GPR132: variants seen among roughly 807,000 people sequenced by gnomAD.
The protein encoded by GPR132 is probable G protein-coupled receptor 132.
In GPR132, 4 loss-of-function variants were observed where a neutral mutation model predicts 1.9. That is an observed-to-expected ratio of 2.13 (90% confidence interval 1.05 to 4.87). The LOEUF is 4.87. Ranked by LOEUF, GPR132 falls within the 30% of genes most tolerant of loss-of-function variation. The pLI is 0.01. For missense variants in GPR132, 404 were observed against 512.5 expected (o/e 0.79, Z 2.04); for synonymous variants, 233 against 234.2 (o/e 0.99, Z 0.05).
chr14:105,053,037 A>G (rs910547288), intron 3 of GPR132, among the ~76,000 whole-genome samples: 6 of 151,620 alleles, frequency 4.0e-5, no homozygotes, highest in Non-Finnish European at 8.8e-5. Context: ...TTTTCTAAGC[A>G]GTCTGTTAGG....
chr14:105,053,341 G>A (rs1487711273), intron 3 of GPR132, among the ~76,000 whole-genome samples: 1 of 151,836 alleles, frequency 6.6e-6, no homozygotes, highest in African/African-American at 2.4e-5. Context: ...TGTATTTTTA[G>A]TAGAGATGGG....
intron 3 of GPR132, among the ~76,000 whole-genome samples, chr14:105,053,147 C>A (rs182368534): frequency 0.013 from 1,311 of 99,016 alleles, 9 homozygotes; most frequent in Non-Finnish European, 0.02. Context: ...AACCTGTAGT[C>A]TTTTTTTTTT....
Position 105,050,647 on chromosome 14 carries a change from A to C in GPR132, c.*347T>G, listed in dbSNP as rs1004872979. The C allele has an allele frequency of 1.1e-5, 4 of 353,442 alleles. No individual in the cohort carries two copies. Among genetic ancestry groups the C allele is most frequent in the African/African-American group, 8.2e-5 (4 of 48,614 alleles). The allele number at this position is 353,442 out of a possible 1,614,324, so 21.9% of individuals were successfully genotyped here. A position where few individuals can be genotyped will look rare whatever the true frequency, so the allele number is the denominator to read the frequency against. On this transcript the variant is annotated 3_prime_UTR_variant, in exon 4 of 4. Coordinates refer to ENST00000329797, the MANE Select transcript of GPR132 (RefSeq NM_013345.4). The surrounding 1 kb of genome is among the most constrained non-coding windows in gnomAD (Gnocchi z 4.0). ...TCCGCAAATAAAGTCATCGCCACTG[A>C]TGCGAACAGGGCAGCCACCAGGTAC...
rs1886651914 is a variant in GPR132 at position 105,051,758 on chromosome 14, A to G, written c.379T>C (p.Tyr127His). The G allele has an allele frequency of 6.2e-7, 1 of 1,614,044 alleles. No individual in the cohort carries two copies. Among genetic ancestry groups the G allele is most frequent in the Admixed American group, 1.7e-5 (1 of 60,002 alleles). ...CAGCACAGGAAGAGGATGCTGACGT[A>G]GATGTTGCAGAAGAAGATGTAGGCG... ...VTAYIFFCNI[Y>H]VSILFLCCIS... is the part of the protein sequence containing the mutation. Residue 127 changes from tyrosine (Y) to histidine (H), a missense_variant, in exon 4 of 4, where the codon TAC (tyrosine) becomes CAC (histidine). Transcript: ENST00000329797. This position sits in a 1 kb window ranked among gnomAD's most constrained non-coding sequence, Gnocchi z 8.0.
rs760479605 is a variant in GPR132, at chr14:105,057,149, C to A, written c.-747+18G>T. On this transcript the variant is annotated intron_variant, in intron 2 of 3. Coordinates refer to ENST00000329797, the MANE Select transcript of GPR132 (RefSeq NM_013345.4). ...GGGCTTCCTCTTACATGTTCAAAGT[C>A]GGAGAAGGCTCTCTCACCTGGCATA... 1.3e-6 allele frequency: 2 copies of A among 1,529,490 alleles called. No individual in the cohort carries two copies. The highest frequency in any genetic ancestry group is 2.7e-5 in the African/African-American group (2 of 72,882). 94.7% of individuals were successfully genotyped at this position (1,529,490 alleles called of 1,614,324 possible).
At chr14:105,063,599 A>G (rs942991680) in intron 1 of GPR132, among the ~76,000 whole-genome samples, 3 of 146,374 alleles carry the variant, frequency 2.0e-5, no homozygotes, top group African/African-American at 5.0e-5. Flanking sequence ...CTGGTCTTGA[A>G]CTCCTGACCT....
Position 105,055,767 on chromosome 14 carries a change from A to G in GPR132, c.-347T>C, listed in dbSNP as rs1343898931. The G allele has an allele frequency of 3.3e-6, 1 of 298,788 alleles. No homozygotes were observed. Among genetic ancestry groups the G allele is most frequent in the Non-Finnish European group, 6.2e-6 (1 of 160,038 alleles). The allele number at this position is 298,788 out of a possible 1,614,324, so 18.5% of individuals were successfully genotyped here. On this transcript the variant is annotated 5_prime_UTR_variant, in exon 3 of 4. Transcript: ENST00000329797. This position sits in a 1 kb window ranked among gnomAD's most constrained non-coding sequence, Gnocchi z 4.7. ...CCAGGGTCTCGCCAAAAATATAAAT[A>G]TATATATATATTCCACTGTGCCCTT...
chr14:105,051,798 C>T lies in GPR132; in HGVS notation c.339G>A (p.Leu113=). Residue 113 remains leucine, a synonymous_variant, in exon 4 of 4, where the codon CTG becomes CTA. Transcript: ENST00000329797. This position sits in a 1 kb window ranked among gnomAD's most constrained non-coding sequence, Gnocchi z 8.0. Reference sequence around the variant, plus strand: ...AGATGTAGGCGGTCACCTTGCAGGCCAGCAGGCCTAGGGTCCAGCGGTGCT... The same window carrying T: ...AGATGTAGGCGGTCACCTTGCAGGCTAGCAGGCCTAGGGTCCAGCGGTGCT... The part of the protein sequence containing the change: ...RNQHRWTLGL[L]ACKVTAYIFF... 6.2e-7 allele frequency: 1 copy of T among 1,614,156 alleles called. No homozygotes were observed. The highest frequency in any genetic ancestry group is 8.5e-7 in the Non-Finnish European group (1 of 1,180,044).
intron 1 of GPR132, among the ~76,000 whole-genome samples, chr14:105,063,468 G>A (rs1024629091): frequency 7.3e-5 from 11 of 151,138 alleles, no homozygotes; most frequent in African/African-American, 2.2e-4. Flanking sequence ...TCTGCCTCCC[G>A]GGTTCAAGTG....
chr14:105,063,217 G>A (rs780041681), intron 1 of GPR132, among the ~76,000 whole-genome samples: 26 of 151,126 alleles, frequency 1.7e-4, no homozygotes, highest in Non-Finnish European at 2.4e-4. Flanking sequence ...CACCATGCCC[G>A]GCCAATGAAT....
At chr14:105,064,543 A>G (rs955605876) in intron 1 of GPR132, among the ~76,000 whole-genome samples, 2 of 152,056 alleles carry the variant, frequency 1.3e-5, no homozygotes, top group East Asian at 3.9e-4. Flanking sequence ...CATGTTGGTC[A>G]GGCTGGTCTC....
At chr14:105,053,979 G>T (rs1325089054) in intron 3 of GPR132, 1 of 1,237,822 alleles carries the variant, frequency 8.1e-7, no homozygotes, top group East Asian at 6.3e-5. Context: ...TTCCAGCCAG[G>T]GGGTTGCTAG....
intron 3 of GPR132, among the ~76,000 whole-genome samples, chr14:105,053,585 G>A (rs1244122584): frequency 2.6e-5 from 4 of 152,014 alleles, no homozygotes; most frequent in Non-Finnish European, 4.4e-5. Context: ...CTTGCTTTAC[G>A]TATTTGAAGC....
Position 105,051,367 on chromosome 14 carries a change from G to A in GPR132, c.770C>T (p.Pro257Leu), listed in dbSNP as rs745771706. 5.6e-6 allele frequency: 9 copies of A among 1,613,878 alleles called. No homozygotes were observed. The highest frequency in any genetic ancestry group is 3.3e-5 in the Admixed American group (2 of 60,002). The change falls in exon 4 of 4, where the codon CCG (proline) becomes CTG (leucine). Residue 257 changes from proline (P) to leucine (L), a missense_variant. Coordinates refer to ENST00000329797, the MANE Select transcript of GPR132 (RefSeq NM_013345.4). This position sits in a 1 kb window ranked among gnomAD's most constrained non-coding sequence, Gnocchi z 8.0. ...VVVIFLVCFAPYHLVLLVKAA... is the reference protein window; with the variant it reads ...VVVIFLVCFALYHLVLLVKAA... ...TTTGACGAGGAGAACCAGGTGGTAC[G>A]GGGCGAAGCAGACTAGGAAGATGAC... is the stretch of plus-strand genomic sequence containing the variant.
rs1285929526 is a variant in GPR132 at position 105,051,979 on chromosome 14, C to T, written c.158G>A (p.Cys53Tyr). 4.3e-6 allele frequency: 7 copies of T among 1,613,158 alleles called. No individual in the cohort carries two copies. Among genetic ancestry groups the T allele is most frequent in the South Asian group, 1.1e-5 (1 of 91,084 alleles). The change falls in exon 4 of 4, where the codon TGC becomes TAC. Residue 53 changes from cysteine (C) to tyrosine (Y), a missense_variant. Coordinates refer to ENST00000329797, the MANE Select transcript of GPR132 (RefSeq NM_013345.4). The surrounding 1 kb of genome is among the most constrained non-coding windows in gnomAD (Gnocchi z 8.0). ...IVLVVVYSAVCTLGVPANCLT... is the reference protein window; with the variant it reads ...IVLVVVYSAVYTLGVPANCLT... ...GCAGTTGGCCGGCACCCCCAGCGTG[C>T]ACACCGCGCTGTACACCACGACCAG...
chr14:105,058,773 C>T (rs1292947004), intron 1 of GPR132, among the ~76,000 whole-genome samples: 1 of 152,208 alleles, frequency 6.6e-6, no homozygotes, highest in Non-Finnish European at 1.5e-5. Context: ...AGGGGGGTGG[C>T]GCAAGGCGCC....
At chr14:105,052,819 C>T (rs1490188863) in intron 3 of GPR132, among the ~76,000 whole-genome samples, 4 of 151,652 alleles carry the variant, frequency 2.6e-5, no homozygotes, top group African/African-American at 7.2e-5. Context: ...AATAGTTGGG[C>T]GTGCTGGCTC....
rs550348633 is a variant in GPR132, at chr14:105,055,280, T to C, written c.34+107A>G. 1.0e-5 allele frequency: 8 copies of C among 764,290 alleles called. No homozygotes were observed. The East Asian group carries it at 1.7e-4, about 16-fold the overall frequency. 47.3% of individuals were successfully genotyped at this position (764,290 alleles called of 1,614,324 possible). On this transcript the variant is annotated intron_variant, in intron 3 of 3. Coordinates refer to ENST00000329797, the MANE Select transcript of GPR132 (RefSeq NM_013345.4). The surrounding 1 kb of genome is among the most constrained non-coding windows in gnomAD (Gnocchi z 4.7). ...AGGCAGAAGCTGCAGTGAGCCGAGA[T>C]TGTGCCACTGCACTCCAGCCTGGGC...
chr14:105,057,592 C>G (rs1475011753), intron 1 of GPR132: 1 of 155,192 alleles, frequency 6.4e-6, no homozygotes, highest in African/African-American at 2.5e-5. Flanking sequence ...ACAATCTCGG[C>G]TCACTGCAAC....
Sources: gnomAD v4.1 joint callset for allele counts (sites outside exome capture counted in the v4.1 genomes callset) on GRCh38, gnomAD v4.1.1 for gene constraint, Gnocchi (gnomAD v3.1) non-coding constraint, MANE v1.5 for transcripts, NCBI Gene and HGNC (gene_info 2026-07-23, HGNC 2026-07-21) for gene names.